The following CELF6 variants were observed in gnomAD, a reference collection of about 807,000 sequenced individuals.
CELF6 encodes the protein CUGBP Elav-like family member 6, also known as Bruno -like 6, RNA binding protein.
A neutral mutation model predicts 53.1 loss-of-function variants in CELF6; 32 were observed. That is an observed-to-expected ratio of 0.60 (90% CI 0.46 to 0.81). CELF6 has a LOEUF of 0.81. Among genes scored for constraint, CELF6 ranks in the 30% least tolerant of loss-of-function variants. The pLI is 0.00. For missense variants in CELF6, 539 were observed against 669.5 expected (o/e 0.81, Z 2.15); for synonymous variants, 291 against 288.8 (o/e 1.01, Z -0.08).
At position 72,319,821 on chromosome 15, in the gene CELF6, C is replaced by T. The variant is rs1484838448; in HGVS notation, c.54G>A (p.Leu18=). 3.9e-6 allele frequency: 6 copies of T among 1,550,604 alleles called. No individual in the cohort carries two copies. Among genetic ancestry groups the T allele is most frequent in the African/African-American group, 1.4e-5 (1 of 73,056 alleles). ...CGCCGCTGTCCGCGGTGCTGAAACCCAGGCGCGGGCCGGGGCCAGCGGGCT... is the reference window on the plus strand; with the variant it reads ...CGCCGCTGTCCGCGGTGCTGAAACCTAGGCGCGGGCCGGGGCCAGCGGGCT... The part of the protein sequence containing the change: ...SAQPAGPGPR[L]GFSTADSGVG... The change falls in exon 1 of 13, where the codon CTG becomes CTA. Residue 18 remains leucine, a synonymous_variant. Transcript: ENST00000287202. This position sits in a 1 kb window ranked among gnomAD's most constrained non-coding sequence, Gnocchi z 5.0.
chr15:72,289,693 G>A lies in CELF6; in HGVS notation c.681C>T (p.Ala227=), dbSNP rs1311472092. Residue 227 remains alanine (A), a synonymous_variant, in exon 6 of 13, where the codon GCC becomes GCT. Coordinates refer to ENST00000287202, the MANE Select transcript of CELF6 (RefSeq NM_052840.5). The surrounding 1 kb of genome is among the most constrained non-coding windows in gnomAD (Gnocchi z 7.6). ...CGGGGTGGAAGGCGCCCAGGTGGCC[G>A]GCCATCTGCTGCATCCGCCGCAGCG... ...ERALRRMQQM[A]GHLGAFHPAP... 1.5e-5 allele frequency: 23 copies of A among 1,487,138 alleles called. No homozygotes were observed. The highest frequency in any genetic ancestry group is 2.0e-5 in the Non-Finnish European group (23 of 1,128,762). The allele number at this position is 1,487,138 out of a possible 1,614,324, so 92.1% of individuals were successfully genotyped here.
intron 11 of CELF6, 47 bp from the exon 12 acceptor site, chr15:72,287,439 G>A: frequency 6.2e-7 from 1 of 1,608,534 alleles, no homozygotes; most frequent in Non-Finnish European, 8.5e-7. Context: ...TGCCTAGCAG[G>A]GCCTCCTTTC....
chr15:72,319,989 C>CG lies in CELF6; in HGVS notation c.-116dup, dbSNP rs1383153664. On this transcript the variant is annotated 5_prime_UTR_variant, in exon 1 of 13. Transcript: ENST00000287202. The surrounding 1 kb of genome is among the most constrained non-coding windows in gnomAD (Gnocchi z 5.0). ...GGGGGCGGAGCCCGGGCGGAGAGGG[C>CG]GGGGGGCTGCCCAGGGGGCGGGGTC... 2.3e-5 allele frequency: 19 copies of CG among 838,720 alleles called. No homozygotes were observed. The highest frequency in any genetic ancestry group is 5.1e-5 in the Admixed American group (1 of 19,570). The allele number at this position is 838,720 out of a possible 1,614,324, so 52.0% of individuals were successfully genotyped here. A position where few individuals can be genotyped will look rare whatever the true frequency, so the allele number is the denominator to read the frequency against.
chr15:72,319,508 T>C lies in CELF6; in HGVS notation c.262+105A>G. ...GGCTGAGGTGGGGCTGATATTGGAC[T>C]GGTGTTGGACTGGCTCTCGGCAGGG... On this transcript the variant is annotated intron_variant, in intron 1 of 12. Transcript: ENST00000287202. The surrounding 1 kb of genome is among the most constrained non-coding windows in gnomAD (Gnocchi z 5.0). 1 of 1,237,974 alleles carries C rather than the reference T, an allele frequency of 8.1e-7. No individual in the cohort carries two copies. The highest frequency in any genetic ancestry group is 1.5e-5 in the South Asian group (1 of 64,810). The allele number at this position is 1,237,974 out of a possible 1,614,324, so 76.7% of individuals were successfully genotyped here. A position where few individuals can be genotyped will look rare whatever the true frequency, so the allele number is the denominator to read the frequency against.
intron 3 of CELF6, among the ~76,000 whole-genome samples, chr15:72,296,610 AC>A (rs2088081649): frequency 6.6e-6 from 1 of 152,170 alleles, no homozygotes; most frequent in South Asian, 2.1e-4. Context: ...AAAACACCAA[AC>A]CTTCTATTTA....
In CELF6 at chr15:72,289,417, C is replaced by A; in HGVS notation, c.838G>T (p.Ala280Ser). 6.4e-7 allele frequency: 1 copy of A among 1,553,768 alleles called. No homozygotes were observed. ...GGCGCAGCTACCAGGCTAAAGGCCGCCACGTGTTGCATCTGGGCCGCCACT... is the reference window on the plus strand; with the variant it reads ...GGCGCAGCTACCAGGCTAAAGGCCGACACGTGTTGCATCTGGGCCGCCACT... ...AAVAAQMQHV[A>S]AFSLVAAPLL... Residue 280 changes from alanine to serine, a missense_variant, in exon 7 of 13, where the codon GCG (alanine) becomes TCG (serine). Around this residue, in one of 3 missense-constraint regions of CELF6, gnomAD observed 358 missense variants for 412.8 expected, o/e 0.87. Coordinates refer to ENST00000287202, the MANE Select transcript of CELF6 (RefSeq NM_052840.5). This position sits in a 1 kb window ranked among gnomAD's most constrained non-coding sequence, Gnocchi z 7.6.
intron 4 of CELF6, 35 bp downstream of exon 4, chr15:72,290,092 G>C: frequency 3.1e-6 from 5 of 1,613,122 alleles, no homozygotes; most frequent in East Asian, 2.2e-5. Context: ...AGTGAGGAAG[G>C]GTCACCAGGA....
At position 72,288,943 on chromosome 15, in the gene CELF6, G is replaced by A. The variant is rs1164601954; in HGVS notation, c.1031-13C>T. 1 of 1,549,388 alleles carries A rather than the reference G, an allele frequency of 6.5e-7. No homozygotes were observed. Among genetic ancestry groups the A allele is most frequent in the Non-Finnish European group, 8.7e-7 (1 of 1,146,178 alleles). Reference sequence around the variant, plus strand: ...CCGGGGCTCTGGGCTGGGGAGAGAGGGGCGCGAGGCCCACAGTGAAGGCAA... The same window carrying A: ...CCGGGGCTCTGGGCTGGGGAGAGAGAGGCGCGAGGCCCACAGTGAAGGCAA... On this transcript the variant is annotated splice_polypyrimidine_tract_variant and intron_variant, in intron 8 of 12. Transcript: ENST00000287202. This position sits in a 1 kb window ranked among gnomAD's most constrained non-coding sequence, Gnocchi z 4.6.
Position 72,319,647 on chromosome 15 carries a change from C to T in CELF6, c.228G>A (p.Thr76=). ...FEEFGRIYEL[T]VLKDRLTGLH... ...GGCCGGTGAGCCGGTCCTTCAGCAC[C>T]GTCAGCTCGTAGATGCGGCCGAACT... is the stretch of plus-strand genomic sequence containing the variant. The change falls in exon 1 of 13, where the codon ACG becomes ACA. Residue 76 remains threonine (T), a synonymous_variant. Coordinates refer to ENST00000287202, the MANE Select transcript of CELF6 (RefSeq NM_052840.5). This position sits in a 1 kb window ranked among gnomAD's most constrained non-coding sequence, Gnocchi z 5.0. 1 of 1,570,774 alleles carries T rather than the reference C, an allele frequency of 6.4e-7. No individual in the cohort carries two copies. Among genetic ancestry groups the T allele is most frequent in the Non-Finnish European group, 8.6e-7 (1 of 1,157,100 alleles).
At position 72,288,690 on chromosome 15, in the gene CELF6, C is replaced by T. The variant is rs1039275040; in HGVS notation, c.1094-72G>A. On this transcript the variant is annotated intron_variant, in intron 9 of 12. Transcript: ENST00000287202. The surrounding 1 kb of genome is among the most constrained non-coding windows in gnomAD (Gnocchi z 4.6). ...CCAAGCAGGGCCCCAACTGCCTGGC[C>T]GCTTTTGACCAATTCAGCCCAGTCC... is the stretch of plus-strand genomic sequence containing the variant. 8 of 1,453,292 alleles carry T rather than the reference C, an allele frequency of 5.5e-6. No homozygotes were observed. Among genetic ancestry groups the T allele is most frequent in the South Asian group, 3.8e-5 (3 of 78,150 alleles). 90.0% of individuals were successfully genotyped at this position (1,453,292 alleles called of 1,614,324 possible).
At chr15:72,314,376 A>G (rs2088335108) in intron 2 of CELF6, among the ~76,000 whole-genome samples, 1 of 152,154 alleles carries the variant, frequency 6.6e-6, no homozygotes, top group African/African-American at 2.4e-5. Flanking sequence ...CAACCCCAAC[A>G]GTAGTACTTA....
intron 2 of CELF6, among the ~76,000 whole-genome samples, chr15:72,311,272 A>G (rs953706124): frequency 2.6e-5 from 4 of 151,436 alleles, no homozygotes; most frequent in Non-Finnish European, 4.4e-5. Context: ...AAGCGCTGGG[A>G]TTACAAGTGT....
At chr15:72,309,243 A>C (rs899521036) in intron 2 of CELF6, among the ~76,000 whole-genome samples, 1 of 152,320 alleles carries the variant, frequency 6.6e-6, no homozygotes, top group Admixed American at 6.5e-5. Context: ...GGAATCATCT[A>C]GTCAGTTTTG....
intron 1 of CELF6, among the ~76,000 whole-genome samples, chr15:72,318,536 C>A (rs1455514856): frequency 1.3e-5 from 2 of 152,148 alleles, no homozygotes; most frequent in Non-Finnish European, 2.9e-5. Context: ...CCTTCTCCTG[C>A]CCATGTATGA....
rs1316664640 is a variant in CELF6 at position 72,284,822 on chromosome 15, A to C, written c.*1549T>G. The C allele has an allele frequency of 6.6e-6, 1 of 152,670 alleles. No homozygotes were observed. Among genetic ancestry groups the C allele is most frequent in the Non-Finnish European group, 1.5e-5 (1 of 68,054 alleles). The allele number at this position is 152,670 out of a possible 1,614,324, so 9.5% of individuals were successfully genotyped here. A position where few individuals can be genotyped will look rare whatever the true frequency, so the allele number is the denominator to read the frequency against. ...TTACTATCTGACATGTTATCAGATC[A>C]GAGGCCTTCAGCCTCAGCAACATCT... On this transcript the variant is annotated 3_prime_UTR_variant, in exon 13 of 13. Transcript: ENST00000287202.
rs553840211 is a variant in CELF6, at chr15:72,315,225, C to G, written c.345+620G>C. Among the ~76,000 whole-genome samples, 15 of 152,274 alleles carry G rather than the reference C, an allele frequency of 9.9e-5. No individual in the cohort carries two copies. In the South Asian group the frequency reaches 3.1e-3, roughly 32 times the overall value. ...CCCATGCTAGTTACTAACGATCACC[C>G]CTTTATTCTGCCATATGGTCAGTAG... On this transcript the variant is annotated intron_variant, in intron 2 of 12. Coordinates refer to ENST00000287202, the MANE Select transcript of CELF6 (RefSeq NM_052840.5).
intron 12 of CELF6, 62 bp downstream of exon 12, chr15:72,287,175 A>C (rs2087932991): frequency 6.7e-7 from 1 of 1,494,602 alleles, no homozygotes; most frequent in Non-Finnish European, 9.1e-7. Flanking sequence ...AAGGAGGACC[A>C]TCAAAGCTGG....
At chr15:72,307,759 CG>C (rs1289619661) in intron 2 of CELF6, among the ~76,000 whole-genome samples, 2 of 152,176 alleles carry the variant, frequency 1.3e-5, no homozygotes, top group Non-Finnish European at 2.9e-5. Context: ...ACCAGGGCCT[CG>C]GGGGAGTGCA....
chr15:72,306,302 G>A, intron 2 of CELF6: 1 of 985,290 alleles, frequency 1.0e-6, no homozygotes, highest in Non-Finnish European at 1.2e-6. Context: ...GTTCATGGAG[G>A]AAGGGGTACT....
Sources: gnomAD v4.1 joint callset for allele counts (sites outside exome capture counted in the v4.1 genomes callset) on GRCh38, gnomAD v4.1.1 for gene constraint, gnomAD v4.1.1 regional missense constraint, Gnocchi (gnomAD v3.1) non-coding constraint, MANE v1.5 for transcripts, NCBI Gene and HGNC (gene_info 2026-07-23, HGNC 2026-07-21) for gene names.